GLE1: variants seen among roughly 807,000 people sequenced by gnomAD.
GLE1 encodes the protein mRNA export factor GLE1.
A neutral mutation model predicts 97.3 loss-of-function variants in GLE1; 78 were observed. The ratio of observed to expected loss-of-function variants is 0.80; its 90% CI spans 0.67 to 0.97. GLE1 has a LOEUF of 0.97. Among genes scored for constraint, GLE1 ranks in the 50% least tolerant of loss-of-function variants. GLE1 has a pLI of 0.00. For missense variants in GLE1, 753 were observed against 857.5 expected (o/e 0.88, Z 1.52); for synonymous variants, 302 against 313.4 (o/e 0.96, Z 0.39).
At chr9:128,531,174 A>G (rs1033312595) in intron 9 of GLE1, among the ~76,000 whole-genome samples, 64 of 144,248 alleles carry the variant, frequency 4.4e-4, no homozygotes, top group Non-Finnish European at 1.3e-4. Flanking sequence ...AGATCACGCC[A>G]TTGCACTCCA....
chr9:128,512,687 T>C (rs1484130176), intron 2 of GLE1, among the ~76,000 whole-genome samples: 1 of 151,708 alleles, frequency 6.6e-6, no homozygotes, highest in African/African-American at 2.4e-5. Flanking sequence ...TTTTTTTTAA[T>C]ATGGAGTTTC....
In GLE1 at chr9:128,533,667, T is replaced by C. The variant is rs998490171; in HGVS notation, c.1455+12T>C. On this transcript the variant is annotated intron_variant, in intron 10 of 15. Coordinates refer to ENST00000309971, the MANE Select transcript of GLE1 (RefSeq NM_001003722.2). ...CAGAGAAATTTGTGGTGAGAAACCT[T>C]GTTGCTAGAGGTATGGGAAGCAGAG... The C allele has an allele frequency of 6.2e-7, 1 of 1,614,042 alleles. No homozygotes were observed. The highest frequency in any genetic ancestry group is 8.5e-7 in the Non-Finnish European group (1 of 1,179,944).
chr9:128,540,277 T>C lies in GLE1; in HGVS notation c.1967T>C (p.Ile656Thr), dbSNP rs927986259. The C allele has an allele frequency of 1.9e-6, 3 of 1,598,028 alleles. No homozygotes were observed. Among genetic ancestry groups the C allele is most frequent in the African/African-American group, 1.3e-5 (1 of 74,558 alleles). Residue 656 changes from isoleucine (I) to threonine (T), a missense_variant and splice_region_variant, in exon 15 of 16, where the codon ATT becomes ACT. Ile to Thr is a moderately conservative substitution (Grantham distance 89). Coordinates refer to ENST00000309971, the MANE Select transcript of GLE1 (RefSeq NM_001003722.2). Reference protein sequence around the residue: ...ILIKEDYFPRIEAITSSGQMG... With the variant: ...ILIKEDYFPRTEAITSSGQMG... ...CATGTGTCTTTCTCTCCCTGTAGAA[T>C]TGAAGCTATCACAAGCTCAGGACAG... is the stretch of plus-strand genomic sequence containing the variant.
chr9:128,539,521 G>T, intron 13 of GLE1, 95 bp from the exon 14 acceptor site: 6 of 1,006,012 alleles, frequency 6.0e-6, no homozygotes, highest in Middle Eastern at 2.1e-4. Flanking sequence ...TTTTTGATAG[G>T]TGTGAAAGAT....
Position 128,521,393 on chromosome 9 carries a change from G to A in GLE1, c.433-1275G>A, listed in dbSNP as rs147129682. Reference sequence around the variant, plus strand: ...TATAAAAAATTTAAAAATTAGCCCCGTGTGATAGTGGACACCTTTAGTCCC... The same window carrying A: ...TATAAAAAATTTAAAAATTAGCCCCATGTGATAGTGGACACCTTTAGTCCC... On this transcript the variant is annotated intron_variant, in intron 3 of 15. Transcript: ENST00000309971. 4.4e-3 allele frequency among the ~76,000 whole-genome samples: 665 copies of A among 152,046 alleles called. 7 individuals are homozygous for A. Among genetic ancestry groups the A allele is most frequent in the African/African-American group, 0.015 (625 of 41,466 alleles).
At chr9:128,516,285 A>C in intron 3 of GLE1, among the ~76,000 whole-genome samples, 1 of 151,296 alleles carries the variant, frequency 6.6e-6, no homozygotes, top group East Asian at 1.9e-4. Context: ...AAAAAATAGC[A>C]GCACTATTTT....
intron 2 of GLE1, among the ~76,000 whole-genome samples, chr9:128,514,731 G>A (rs1465125474): frequency 6.6e-6 from 1 of 152,132 alleles, no homozygotes; most frequent in Non-Finnish European, 1.5e-5. Context: ...AGTAGAGACA[G>A]GGTTTCACCA....
At chr9:128,510,629 C>T (rs1052308628) in intron 2 of GLE1, among the ~76,000 whole-genome samples, 9 of 150,034 alleles carry the variant, frequency 6.0e-5, no homozygotes, top group East Asian at 2.0e-4. Context: ...CCTGGGTTCA[C>T]GCGGTTCTTC....
At chr9:128,519,167 G>A (rs1430758363) in intron 3 of GLE1, among the ~76,000 whole-genome samples, 2 of 152,076 alleles carry the variant, frequency 1.3e-5, no homozygotes, top group African/African-American at 4.8e-5. Context: ...TCAGGACCCT[G>A]TGATAATTGC....
At chr9:128,539,791 C>G (rs1847833734) in intron 14 of GLE1, 93 bp downstream of exon 14, 45 of 1,603,066 alleles carry the variant, frequency 2.8e-5, no homozygotes, top group Non-Finnish European at 3.7e-5. Flanking sequence ...GGTTTTGATT[C>G]AAGTTAAAAA....
chr9:128,521,143 T>C (rs753868022), intron 3 of GLE1, among the ~76,000 whole-genome samples: 9 of 152,178 alleles, frequency 5.9e-5, no homozygotes, highest in Non-Finnish European at 1.0e-4. Context: ...TGTGGTGTTA[T>C]GTCTTTTTTT....
At chr9:128,521,507 C>G (rs1026942623) in intron 3 of GLE1, among the ~76,000 whole-genome samples, 26 of 152,138 alleles carry the variant, frequency 1.7e-4, no homozygotes, top group African/African-American at 6.3e-4. Context: ...GCACTCTAGC[C>G]TACATGACAG....
intron 8 of GLE1, 28 bp from the exon 9 acceptor site, chr9:128,527,428 C>T: frequency 6.5e-7 from 1 of 1,546,842 alleles, no homozygotes; most frequent in Non-Finnish European, 8.9e-7. Context: ...CTTCAGAACA[C>T]TGCTTTCTCA....
At chr9:128,505,308 T>C (rs530421587) in intron 1 of GLE1, among the ~76,000 whole-genome samples, 2 of 152,156 alleles carry the variant, frequency 1.3e-5, no homozygotes, top group Non-Finnish European at 1.5e-5. Flanking sequence ...ACCAAATTTT[T>C]AGATTGATTT....
chr9:128,511,266 A>G (rs1846812459), intron 2 of GLE1, among the ~76,000 whole-genome samples: 1 of 148,232 alleles, frequency 6.7e-6, no homozygotes, highest in African/African-American at 2.4e-5. Flanking sequence ...TATATATATT[A>G]TAAATATACA....
At chr9:128,512,486 C>T (rs1275393132) in intron 2 of GLE1, among the ~76,000 whole-genome samples, 1 of 152,008 alleles carries the variant, frequency 6.6e-6, no homozygotes, top group African/African-American at 2.4e-5. Context: ...ATTTTTGCAA[C>T]CTTCTGTGAA....
At chr9:128,522,214 C>T (rs1375849851) in intron 3 of GLE1, among the ~76,000 whole-genome samples, 1 of 152,156 alleles carries the variant, frequency 6.6e-6, no homozygotes, top group East Asian at 1.9e-4. Flanking sequence ...AACAGCTGAG[C>T]TTAAAGATCA....
At chr9:128,510,957 C>T (rs1589043356) in intron 2 of GLE1, among the ~76,000 whole-genome samples, 1 of 151,322 alleles carries the variant, frequency 6.6e-6, no homozygotes, top group African/African-American at 2.4e-5. Context: ...CGTGTAATCC[C>T]AGCACTTTGG....
At chr9:128,539,862 T>C in intron 14 of GLE1, 164 bp downstream of exon 14, 1 of 1,520,278 alleles carries the variant, frequency 6.6e-7, no homozygotes, top group South Asian at 1.2e-5. Flanking sequence ...TTTGAATAAA[T>C]GCTTTTGAAC....
Sources: gnomAD v4.1 joint callset for allele counts (sites outside exome capture counted in the v4.1 genomes callset) on GRCh38, gnomAD v4.1.1 for gene constraint, MANE v1.5 for transcripts, NCBI Gene and HGNC (gene_info 2026-07-23, HGNC 2026-07-21) for gene names.